The following ST6GALNAC3 variants were observed in gnomAD, a reference collection of about 807,000 sequenced individuals.
ST6GALNAC3 encodes the protein ST6 N-acetylgalactosaminide alpha-2,6-sialyltransferase 3.
A neutral mutation model predicts 32.7 loss-of-function variants in ST6GALNAC3; 25 were observed. The observed-to-expected ratio is 0.76, with a 90% confidence interval of 0.56 to 1.07. The LOEUF is 1.07. Among genes scored for constraint, ST6GALNAC3 ranks in the 50% least tolerant of loss-of-function variants. The pLI, the probability that ST6GALNAC3 is intolerant of heterozygous loss-of-function variation, is 0.00. For synonymous variants in ST6GALNAC3, 129 were observed against 133.1 expected (o/e 0.97, Z 0.21); for missense variants, 355 against 382.4 (o/e 0.93, Z 0.60).
Position 76,121,436 on chromosome 1 carries a change from G to A in ST6GALNAC3, c.18+46552G>A, listed in dbSNP as rs536535458. ...GCAGCACATTAAAAATGTGGGTCAG[G>A]CCAGGCATGGTGGCTCACGCCTGTA... On this transcript the variant is annotated intron_variant, in intron 1 of 4. Coordinates refer to ENST00000328299, the MANE Select transcript of ST6GALNAC3 (RefSeq NM_152996.4). Among the ~76,000 whole-genome samples, 9 of 152,152 alleles carry A rather than the reference G, an allele frequency of 5.9e-5. No individual in the cohort carries two copies. The East Asian group carries it at 1.7e-3, about 29-fold the overall frequency.
intron 1 of ST6GALNAC3, among the ~76,000 whole-genome samples, chr1:76,290,785 C>T (rs775494956): frequency 6.6e-6 from 1 of 152,270 alleles, no homozygotes; most frequent in Non-Finnish European, 1.5e-5. Context: ...CCCTACATGT[C>T]GCTGCTCCTT....
chr1:76,534,977 CAT>C (rs1663505642), intron 3 of ST6GALNAC3, among the ~76,000 whole-genome samples: 1 of 152,112 alleles, frequency 6.6e-6, no homozygotes, highest in South Asian at 2.1e-4. Flanking sequence ...AATTATTTCT[CAT>C]ATCCTTTTCC....
chr1:76,496,587 G>A (rs768161894), intron 3 of ST6GALNAC3, among the ~76,000 whole-genome samples: 2 of 152,012 alleles, frequency 1.3e-5, no homozygotes, highest in Non-Finnish European at 2.9e-5. Flanking sequence ...GCATCTTCAA[G>A]GGGTCATACA....
intron 1 of ST6GALNAC3, among the ~76,000 whole-genome samples, chr1:76,126,242 AT>A (rs962784856): frequency 1.3e-5 from 2 of 152,018 alleles, no homozygotes; most frequent in African/African-American, 4.8e-5. Flanking sequence ...TCTTTTTAGT[AT>A]TTTTTAAATG....
chr1:76,574,260 G>C (rs1646764547), intron 3 of ST6GALNAC3, among the ~76,000 whole-genome samples: 1 of 151,586 alleles, frequency 6.6e-6, no homozygotes, highest in Non-Finnish European at 1.5e-5. Flanking sequence ...CTACAATAAT[G>C]GATTATATAA....
At chr1:76,212,900 A>G (rs1160310310) in intron 1 of ST6GALNAC3, among the ~76,000 whole-genome samples, 1 of 152,176 alleles carries the variant, frequency 6.6e-6, no homozygotes, top group Non-Finnish European at 1.5e-5. Context: ...CAAGTCTAAA[A>G]CACAGGAAGG....
intron 2 of ST6GALNAC3, among the ~76,000 whole-genome samples, chr1:76,404,920 T>G (rs573058674): frequency 1.3e-5 from 2 of 152,096 alleles, no homozygotes; most frequent in Non-Finnish European, 2.9e-5. Flanking sequence ...TTTATGCTGG[T>G]TCAATTGAAA....
intron 1 of ST6GALNAC3, among the ~76,000 whole-genome samples, chr1:76,094,942 C>T (rs973166823): frequency 3.3e-5 from 5 of 151,326 alleles, no homozygotes; most frequent in African/African-American, 1.2e-4. Context: ...CACTCACCAA[C>T]CTAGCCTTCT....
intron 3 of ST6GALNAC3, among the ~76,000 whole-genome samples, chr1:76,454,781 A>G (rs1657653340): frequency 6.6e-6 from 1 of 152,168 alleles, no homozygotes; most frequent in African/African-American, 2.4e-5. Flanking sequence ...TCTTTTTGCA[A>G]TAAATTTCTC....
intron 2 of ST6GALNAC3, among the ~76,000 whole-genome samples, chr1:76,343,020 G>T (rs1229600826): frequency 6.6e-6 from 1 of 151,978 alleles, no homozygotes; most frequent in Admixed American, 6.6e-5. Context: ...TCATTTTGTA[G>T]GTCGTCTGTT....
intron 3 of ST6GALNAC3, among the ~76,000 whole-genome samples, chr1:76,571,238 C>T (rs1450276838): frequency 6.6e-6 from 1 of 152,036 alleles, no homozygotes; most frequent in Non-Finnish European, 1.5e-5. Context: ...AATATTATCC[C>T]TTCTTCTGGT....
intron 2 of ST6GALNAC3, among the ~76,000 whole-genome samples, chr1:76,402,193 G>A (rs1015436352): frequency 7.2e-5 from 11 of 152,112 alleles, no homozygotes; most frequent in South Asian, 2.1e-4. Context: ...ACTAGAAGGC[G>A]TACTTATAGT....
At chr1:76,369,437 A>G (rs1650643244) in intron 2 of ST6GALNAC3, among the ~76,000 whole-genome samples, 1 of 152,242 alleles carries the variant, frequency 6.6e-6, no homozygotes, top group South Asian at 2.1e-4. Context: ...ATTTACCAGT[A>G]GTAACTTAAT....
At chr1:76,439,649 A>G (rs1319343355) in intron 3 of ST6GALNAC3, among the ~76,000 whole-genome samples, 1 of 152,228 alleles carries the variant, frequency 6.6e-6, no homozygotes, top group Non-Finnish European at 1.5e-5. Flanking sequence ...TAGAAAATGT[A>G]GCTACAGTTT....
At chr1:76,210,563 C>T (rs1332634339) in intron 1 of ST6GALNAC3, among the ~76,000 whole-genome samples, 1 of 152,108 alleles carries the variant, frequency 6.6e-6, no homozygotes, top group Non-Finnish European at 1.5e-5. Context: ...ATACTGCAGG[C>T]TGGGTGGCAT....
intron 3 of ST6GALNAC3, among the ~76,000 whole-genome samples, chr1:76,610,953 G>C (rs1017219233): frequency 2.6e-5 from 4 of 152,034 alleles, no homozygotes; most frequent in Non-Finnish European, 4.4e-5. Context: ...TAAGTACCTG[G>C]TGTTTGTTCA....
intron 1 of ST6GALNAC3, among the ~76,000 whole-genome samples, chr1:76,269,646 T>C (rs1333743157): frequency 6.6e-6 from 1 of 152,238 alleles, no homozygotes; most frequent in Non-Finnish European, 1.5e-5. Context: ...TATCCAGTTA[T>C]AATGGAACTG....
intron 3 of ST6GALNAC3, among the ~76,000 whole-genome samples, chr1:76,460,954 T>G (rs939509618): frequency 6.6e-5 from 10 of 152,196 alleles, no homozygotes; most frequent in African/African-American, 2.4e-4. Flanking sequence ...TGGTGGCAGA[T>G]TTTACAATGG....
At chr1:76,305,778 T>C (rs763229919) in intron 1 of ST6GALNAC3, 11 of 410,964 alleles carry the variant, frequency 2.7e-5, no homozygotes, top group Non-Finnish European at 4.9e-5. Flanking sequence ...TTAATGAGTG[T>C]TATCAGTTAG....
Sources: gnomAD v4.1 joint callset for allele counts (sites outside exome capture counted in the v4.1 genomes callset) on GRCh38, gnomAD v4.1.1 for gene constraint, MANE v1.5 for transcripts, NCBI Gene and HGNC (gene_info 2026-07-23, HGNC 2026-07-21) for gene names.